Variants in RNF144A observed in about 807,000 individuals in gnomAD.
The protein encoded by RNF144A is E3 ubiquitin-protein ligase RNF144A.
RNF144A carries 11 observed loss-of-function variants against 38.7 expected under a neutral mutation model. That is an observed-to-expected ratio of 0.28 (90% CI 0.18 to 0.47). RNF144A has a LOEUF of 0.47. RNF144A is among the 20% of genes least tolerant of loss of function. RNF144A has a pLI of 0.99. For synonymous variants in RNF144A, 149 were observed against 143.9 expected, an observed-to-expected ratio of 1.04 and a Z score of -0.25; for missense variants, 316 against 377.2, an observed-to-expected ratio of 0.84 and a Z score of 1.34.
chr2:6,957,770 C>A (rs1328499241), intron 2 of RNF144A, among the ~76,000 whole-genome samples: 1 of 152,268 alleles, frequency 6.6e-6, no homozygotes, highest in Non-Finnish European at 1.5e-5. Flanking sequence ...AGAGCTACCT[C>A]TTTGCAAATG....
chr2:6,988,150 A>G (rs1669071887), intron 2 of RNF144A, among the ~76,000 whole-genome samples: 1 of 152,242 alleles, frequency 6.6e-6, no homozygotes, highest in Non-Finnish European at 1.5e-5. Context: ...TTTTAGATAC[A>G]GATTTAGATG....
Position 7,043,364 on chromosome 2 carries a change from T to C in RNF144A, c.*3604T>C. ...AGTCATTTTACAAATTAAAAAAACA[T>C]TTTTTTCTTGGTAGTCTTTAAAAAT... On this transcript the variant is annotated 3_prime_UTR_variant, in exon 9 of 9. Transcript: ENST00000320892. 1 of 984,920 alleles carries C rather than the reference T, an allele frequency of 1.0e-6. No homozygotes were observed. The highest frequency in any genetic ancestry group is 1.2e-6 in the Non-Finnish European group (1 of 829,618). 61.0% of individuals were successfully genotyped at this position (984,920 alleles called of 1,614,324 possible).
In RNF144A at chr2:6,952,585, A is replaced by G. The variant is rs1337976130; in HGVS notation, c.-12+11438A>G. ...CATTTCTTCTTGAGTCAGTTTTGTT[A>G]AGCTTTATGTATATATATATGTTAT... On this transcript the variant is annotated intron_variant, in intron 2 of 8. Transcript: ENST00000320892. Among the ~76,000 whole-genome samples the G allele has an allele frequency of 3.3e-5, 5 of 150,308 alleles. No homozygotes were observed. In the East Asian group the frequency reaches 9.7e-4, roughly 29 times the overall value.
intron 2 of RNF144A, among the ~76,000 whole-genome samples, chr2:6,945,417 T>G (rs182224352): frequency 1.2e-4 from 19 of 152,360 alleles, no homozygotes; most frequent in African/African-American, 4.1e-4. Context: ...TTTCAGACTT[T>G]GGGCCATTTT....
chr2:7,036,946 G>A (rs1359059123), intron 8 of RNF144A, among the ~76,000 whole-genome samples: 2 of 152,212 alleles, frequency 1.3e-5, no homozygotes, highest in Non-Finnish European at 2.9e-5. Flanking sequence ...TTTGCAGAAA[G>A]AGTGTTCTGG....
chr2:7,011,623 T>C (rs1330830489), intron 3 of RNF144A, among the ~76,000 whole-genome samples: 3 of 152,212 alleles, frequency 2.0e-5, no homozygotes, highest in Non-Finnish European at 4.4e-5. Flanking sequence ...TAGAAAGCAT[T>C]TGTCTACTGC....
chr2:7,042,655 C>G lies in RNF144A; in HGVS notation c.*2895C>G, dbSNP rs550378589. On this transcript the variant is annotated 3_prime_UTR_variant, in exon 9 of 9. Coordinates refer to ENST00000320892, the MANE Select transcript of RNF144A (RefSeq NM_014746.6). Reference sequence around the variant, plus strand: ...CTCAGTCTGGCTCTGCTGTGTAGTCCATAGCCCAGCCAGATGAGCTTGCAG... The same window carrying G: ...CTCAGTCTGGCTCTGCTGTGTAGTCGATAGCCCAGCCAGATGAGCTTGCAG... 1.0e-6 allele frequency: 1 copy of G among 985,518 alleles called. No individual in the cohort carries two copies. Among genetic ancestry groups the G allele is most frequent in the South Asian group, 4.7e-5 (1 of 21,286 alleles). 61.0% of individuals were successfully genotyped at this position (985,518 alleles called of 1,614,324 possible).
rs1665287087 is a variant in RNF144A at position 6,932,831 on chromosome 2, A to G, written c.-211-8117A>G. Among the ~76,000 whole-genome samples, 3 of 152,240 alleles carry G rather than the reference A, an allele frequency of 2.0e-5. 1 individual carries two copies. The South Asian group carries it at 6.2e-4, about 31-fold the overall frequency. On this transcript the variant is annotated intron_variant, in intron 1 of 8. Transcript: ENST00000320892. Reference sequence around the variant, plus strand: ...GAACCAACAAGTTTGTTCCATAGCTATAATTTGACAAATATCTCCACTGCT... The same window carrying G: ...GAACCAACAAGTTTGTTCCATAGCTGTAATTTGACAAATATCTCCACTGCT...
intron 2 of RNF144A, among the ~76,000 whole-genome samples, chr2:6,993,455 G>C (rs1300840778): frequency 6.6e-6 from 1 of 152,188 alleles, no homozygotes; most frequent in Non-Finnish European, 1.5e-5. Context: ...ACAGGAAAAG[G>C]AGCCCAGATC....
chr2:7,020,960 G>A (rs181104552), intron 6 of RNF144A, among the ~76,000 whole-genome samples: 30 of 152,310 alleles, frequency 2.0e-4, no homozygotes, highest in African/African-American at 6.5e-4. Flanking sequence ...AAATGCATGC[G>A]TGGTTTGTTA....
chr2:6,931,431 T>G (rs557376966), intron 1 of RNF144A, among the ~76,000 whole-genome samples: 9 of 152,358 alleles, frequency 5.9e-5, no homozygotes, highest in Admixed American at 5.9e-4. Context: ...ATTACCCAGG[T>G]CAGAAGCTGG....
intron 2 of RNF144A, among the ~76,000 whole-genome samples, chr2:6,950,611 ATGT>A (rs1251622773): frequency 1.2e-4 from 18 of 152,328 alleles, no homozygotes; most frequent in Middle Eastern, 3.4e-3. Flanking sequence ...TTGCAAGAAA[ATGT>A]TGTAATGATT....
chr2:6,939,461 T>C (rs1337052794), intron 1 of RNF144A, among the ~76,000 whole-genome samples: 2 of 152,248 alleles, frequency 1.3e-5, no homozygotes, highest in East Asian at 3.8e-4. Context: ...ATTCTTCATA[T>C]ATTCTGAATC....
At chr2:7,011,857 T>C (rs1670837518) in intron 3 of RNF144A, among the ~76,000 whole-genome samples, 1 of 151,966 alleles carries the variant, frequency 6.6e-6, no homozygotes, top group Non-Finnish European at 1.5e-5. Context: ...ACGTCATCTC[T>C]CTTTATGTAG....
chr2:6,946,734 A>G (rs1270120031), intron 2 of RNF144A, among the ~76,000 whole-genome samples: 1 of 152,138 alleles, frequency 6.6e-6, no homozygotes, highest in East Asian at 1.9e-4. Context: ...ACGTATTAAG[A>G]TTTTTTTCAA....
chr2:7,058,991 C>A (rs1235108796), intron 6 of RNF144A, among the ~76,000 whole-genome samples: 1 of 151,876 alleles, frequency 6.6e-6, no homozygotes, highest in Non-Finnish European at 1.5e-5. Context: ...ATTTAAAGAA[C>A]TTGGAGTGGG....
intron 6 of RNF144A, among the ~76,000 whole-genome samples, chr2:7,051,863 G>C (rs968691200): frequency 1.4e-4 from 21 of 152,084 alleles, no homozygotes; most frequent in African/African-American, 5.1e-4. Context: ...GCTCCACTCC[G>C]GTCTGGTCTG....
intron 1 of RNF144A, among the ~76,000 whole-genome samples, chr2:6,938,884 A>G (rs188453824): frequency 6.6e-6 from 1 of 151,910 alleles, no homozygotes; most frequent in East Asian, 1.9e-4. Flanking sequence ...TGTTTTCAGC[A>G]TTTACCCATG....
At position 7,008,846 on chromosome 2, in the gene RNF144A, C is replaced by G. The variant is rs1431152201; in HGVS notation, c.136-5608C>G. Reference sequence around the variant, plus strand: ...ATCCTCCTGGCCTCCACCCCAGGTCCCTGCATGCCACCCCACAAAAGCAGG... The same window carrying G: ...ATCCTCCTGGCCTCCACCCCAGGTCGCTGCATGCCACCCCACAAAAGCAGG... On this transcript the variant is annotated intron_variant, in intron 3 of 8. Transcript: ENST00000320892. 2.0e-5 allele frequency among the ~76,000 whole-genome samples: 3 copies of G among 152,216 alleles called. No individual in the cohort carries two copies. The East Asian group carries it at 5.8e-4, about 29-fold the overall frequency.
Sources: gnomAD v4.1 joint callset for allele counts (sites outside exome capture counted in the v4.1 genomes callset) on GRCh38, gnomAD v4.1.1 for gene constraint, MANE v1.5 for transcripts, NCBI Gene and HGNC (gene_info 2026-07-23, HGNC 2026-07-21) for gene names.